Variants in ABCA13 observed in about 807,000 individuals in gnomAD.
ABCA13 encodes the protein ATP binding cassette subfamily A member 13.
A neutral mutation model predicts 478.7 loss-of-function variants in ABCA13; 476 were observed. The ratio of observed to expected loss-of-function variants is 0.99; its 90% CI spans 0.92 to 1.07. The LOEUF is 1.07. Ranked by LOEUF, ABCA13 falls within the 50% of genes least tolerant of loss-of-function variation. ABCA13 has a pLI of 0.00. For synonymous variants in ABCA13, 2,252 were observed against 2,158.9 expected, an observed-to-expected ratio of 1.04 and a Z score of -1.20; for missense variants, 6,060 against 5,910.6, an observed-to-expected ratio of 1.03 and a Z score of -0.83.
chr7:48,369,424 G>A (rs139501921), intron 32 of ABCA13, among the ~76,000 whole-genome samples: 1,700 of 152,054 alleles, frequency 0.011, 38 homozygotes, highest in African/African-American at 0.038. Context: ...CTTTGTTTTC[G>A]TTGCATTTGC....
At chr7:48,513,458 T>C (rs777990982) in intron 51 of ABCA13, among the ~76,000 whole-genome samples, 21 of 152,126 alleles carry the variant, frequency 1.4e-4, no homozygotes, top group Non-Finnish European at 2.6e-4. Flanking sequence ...CTAAAATGAA[T>C]GAAAGAAAAC....
At chr7:48,571,397 G>A (rs558254104) in intron 55 of ABCA13, among the ~76,000 whole-genome samples, 1 of 151,984 alleles carries the variant, frequency 6.6e-6, no homozygotes, top group South Asian at 2.1e-4. Flanking sequence ...AGTTTTTGTT[G>A]AGCTGTGAAT....
At chr7:48,290,939 GGAAA>G (rs1210254797) in intron 20 of ABCA13, among the ~76,000 whole-genome samples, 2,593 of 79,384 alleles carry the variant, frequency 0.033, 118 homozygotes, top group African/African-American at 0.13. Flanking sequence ...TCACACTCAG[GGAAA>G]AAAAAAAAAA....
At chr7:48,615,202 T>C in intron 58 of ABCA13, 83 bp from the exon 59 acceptor site, 1 of 861,440 alleles carries the variant, frequency 1.2e-6, no homozygotes, top group Non-Finnish European at 1.6e-6. Flanking sequence ...TGGTATCTTG[T>C]CTCCTTTTTG....
intron 58 of ABCA13, among the ~76,000 whole-genome samples, chr7:48,611,246 A>G (rs962845965): frequency 1.8e-4 from 28 of 152,258 alleles, no homozygotes; most frequent in African/African-American, 6.3e-4. Context: ...TATTGTCTGT[A>G]TCACTATCAG....
chr7:48,596,163 A>G (rs1447679625), intron 58 of ABCA13, among the ~76,000 whole-genome samples: 2 of 152,264 alleles, frequency 1.3e-5, no homozygotes, highest in African/African-American at 2.4e-5. Context: ...AAGCCAATGT[A>G]TTGTGAAGAA....
Position 48,278,775 on chromosome 7 carries a change from G to A in ABCA13, c.7581G>A (p.Lys2527=). The change falls in exon 18 of 62, where the codon AAG becomes AAA. Residue 2527 remains lysine, a synonymous_variant. Coordinates refer to ENST00000435803, the MANE Select transcript of ABCA13 (RefSeq NM_152701.5). The part of the protein sequence containing the change: ...TSMDSIVKLL[K]LVKKVSGKMS... ...TGGACTCCATTGTGAAACTTCTTAA[G>A]CTGGTCAAGAAAGTTTCGGGGAAGA... The A allele has an allele frequency of 1.2e-6, 2 of 1,613,904 alleles. No homozygotes were observed. Among genetic ancestry groups the A allele is most frequent in the Non-Finnish European group, 1.7e-6 (2 of 1,179,884 alleles).
intron 38 of ABCA13, among the ~76,000 whole-genome samples, chr7:48,393,516 T>A (rs191185911): frequency 6.6e-6 from 1 of 152,360 alleles, no homozygotes; most frequent in East Asian, 1.9e-4. Context: ...TACAGAATAT[T>A]GTTATTTTAC....
At chr7:48,562,966 A>G (rs970413034) in intron 55 of ABCA13, among the ~76,000 whole-genome samples, 5 of 152,046 alleles carry the variant, frequency 3.3e-5, no homozygotes, top group African/African-American at 1.2e-4. Context: ...GTGTATATAT[A>G]TATATATGTC....
chr7:48,645,377 T>C, intron 61 of ABCA13, 40 bp from the exon 62 acceptor site: 2 of 1,479,616 alleles, frequency 1.4e-6, no homozygotes, highest in Non-Finnish European at 9.2e-7. Context: ...CAAAGGGTTG[T>C]ATTCTTATAA....
At chr7:48,375,433 A>C (rs1585064999) in intron 34 of ABCA13, among the ~76,000 whole-genome samples, 1 of 152,198 alleles carries the variant, frequency 6.6e-6, no homozygotes, top group Non-Finnish European at 1.5e-5. Context: ...GTTCCTGAAG[A>C]TCAAGATCCA....
chr7:48,620,559 AT>A (rs1793039169), intron 59 of ABCA13, among the ~76,000 whole-genome samples: 1 of 152,148 alleles, frequency 6.6e-6, no homozygotes, highest in Admixed American at 6.5e-5. Flanking sequence ...ATCTCTTGAC[AT>A]TGGCAAATGT....
intron 43 of ABCA13, among the ~76,000 whole-genome samples, chr7:48,455,964 C>G (rs1031160694): frequency 1.3e-5 from 2 of 152,354 alleles, no homozygotes; most frequent in African/African-American, 4.8e-5. Context: ...TTAGCGGGCT[C>G]CTCTCTAGAT....
chr7:48,455,873 G>C (rs757866323), intron 43 of ABCA13, among the ~76,000 whole-genome samples: 3 of 152,242 alleles, frequency 2.0e-5, no homozygotes, highest in Non-Finnish European at 4.4e-5. Context: ...CAAGAACTCA[G>C]AGCTTTCTGG....
Position 48,273,978 on chromosome 7 carries a change from G to A in ABCA13, c.4312G>A (p.Val1438Ile). ...CAAAATGAACTCTATATTAAAAATT[G>A]TAACTTGGGTGTTAAATATAAAAAA... ...ENKMNSILKIVTWVLNIKKPL... is the reference protein window; with the variant it reads ...ENKMNSILKIITWVLNIKKPL... The change falls in exon 17 of 62, where the codon GTA becomes ATA. Residue 1438 changes from valine to isoleucine, a missense_variant. This residue lies in a region of ABCA13 where 4,423 missense variants were observed against 4,309.1 expected (regional missense o/e 1.03). Coordinates refer to ENST00000435803, the MANE Select transcript of ABCA13 (RefSeq NM_152701.5). 2 of 1,609,542 alleles carry A rather than the reference G, an allele frequency of 1.2e-6. No homozygotes were observed. Among genetic ancestry groups the A allele is most frequent in the Non-Finnish European group, 8.5e-7 (1 of 1,177,286 alleles).
rs1156643955 is a variant in ABCA13 at position 48,637,381 on chromosome 7, C to CAAAAAAAAAAAAA, written c.14838-5894_14838-5882dup. Among the ~76,000 whole-genome samples the CAAAAAAAAAAAAA allele has an allele frequency of 3.8e-3, 76 of 20,256 alleles. 6 individuals carry two copies. The highest frequency in any genetic ancestry group is 4.6e-3 in the Non-Finnish European group (53 of 11,624). 13.3% of individuals were successfully genotyped at this position (20,256 alleles called of 152,430 possible). On this transcript the variant is annotated intron_variant, in intron 59 of 61. Coordinates refer to ENST00000435803, the MANE Select transcript of ABCA13 (RefSeq NM_152701.5). ...TGTTTTCTTTATTATGTTCATAAAG[C>CAAAAAAAAAAAAA]AAAAAAAAAAAAAAAAAAAAAAAAA...
At chr7:48,534,252 A>C (rs1833425874) in intron 55 of ABCA13, among the ~76,000 whole-genome samples, 1 of 152,190 alleles carries the variant, frequency 6.6e-6, no homozygotes, top group African/African-American at 2.4e-5. Context: ...TGCTGGATAC[A>C]AAATTCTTGG....
At chr7:48,414,898 T>C (rs998655400) in intron 41 of ABCA13, among the ~76,000 whole-genome samples, 4 of 152,168 alleles carry the variant, frequency 2.6e-5, no homozygotes, top group Admixed American at 6.5e-5. Context: ...TACAGTGGGA[T>C]TGCATGAGAC....
At chr7:48,480,949 C>A (rs1828691704) in intron 45 of ABCA13, 87 bp from the exon 46 acceptor site, 1 of 805,338 alleles carries the variant, frequency 1.2e-6, no homozygotes. Flanking sequence ...AGCTAGAGAA[C>A]AATCACATGT....
Sources: gnomAD v4.1 joint callset for allele counts (sites outside exome capture counted in the v4.1 genomes callset) on GRCh38, gnomAD v4.1.1 for gene constraint, gnomAD v4.1.1 regional missense constraint, MANE v1.5 for transcripts, NCBI Gene and HGNC (gene_info 2026-07-23, HGNC 2026-07-21) for gene names.